PTPRN2: variants seen among roughly 807,000 people sequenced by gnomAD.
PTPRN2 encodes the protein receptor-type tyrosine-protein phosphatase N2.
Under a neutral mutation model 118.8 loss-of-function variants are expected in PTPRN2, and 74 were observed. That is an observed-to-expected ratio of 0.62 (90% CI 0.52 to 0.76). PTPRN2 has a LOEUF of 0.76. PTPRN2 is among the 30% of genes least tolerant of loss of function. PTPRN2 has a pLI of 0.00. For missense variants in PTPRN2, 1,481 were observed against 1,394.4 expected (o/e 1.06, Z -0.99); for synonymous variants, 641 against 608.0 (o/e 1.05, Z -0.80).
chr7:158,235,577 T>C (rs1829478133), intron 3 of PTPRN2, among the ~76,000 whole-genome samples: 1 of 152,108 alleles, frequency 6.6e-6, no homozygotes, highest in Non-Finnish European at 1.5e-5. Flanking sequence ...AGATTGGTGG[T>C]TACCAGAGGA....
chr7:158,378,892 G>A (rs530968863), intron 2 of PTPRN2, among the ~76,000 whole-genome samples: 4 of 152,298 alleles, frequency 2.6e-5, no homozygotes, highest in South Asian at 2.1e-4. Flanking sequence ...TGGCTGTTAC[G>A]ATCAAGGGGA....
chr7:157,838,287 C>T (rs558027125), intron 12 of PTPRN2, among the ~76,000 whole-genome samples: 28 of 149,276 alleles, frequency 1.9e-4, no homozygotes, highest in African/African-American at 5.9e-4. Context: ...TATTCCAGTT[C>T]CTCTCGTAGT....
intron 2 of PTPRN2, among the ~76,000 whole-genome samples, chr7:158,473,372 C>G (rs2129444404): frequency 1.3e-5 from 2 of 152,306 alleles, no homozygotes; most frequent in Middle Eastern, 6.8e-3. Context: ...TGAATAAACC[C>G]CTCTGACGAG....
At chr7:157,969,109 T>C (rs925976634) in intron 11 of PTPRN2, among the ~76,000 whole-genome samples, 1 of 145,850 alleles carries the variant, frequency 6.9e-6, no homozygotes, top group Non-Finnish European at 1.5e-5. Flanking sequence ...GCAATATCCA[T>C]GGCATCAATG....
chr7:158,310,095 C>A (rs182544107), intron 3 of PTPRN2, among the ~76,000 whole-genome samples: 4 of 152,132 alleles, frequency 2.6e-5, no homozygotes, highest in African/African-American at 9.7e-5. Context: ...CAGCCACCCA[C>A]GCCATGTGAT....
chr7:158,053,031 C>T lies in PTPRN2; in HGVS notation c.1723+28267G>A, dbSNP rs191915764. 1.1e-4 allele frequency among the ~76,000 whole-genome samples: 17 copies of T among 152,338 alleles called. No individual in the cohort carries two copies. The East Asian group carries it at 1.4e-3, about 12-fold the overall frequency. On this transcript the variant is annotated intron_variant, in intron 11 of 22. Transcript: ENST00000389418. ...CTGGCCCCCATCGATCCCACCCTGG[C>T]GTCTGCTTCCCAAGCACCCAGTGGG...
At chr7:158,098,711 G>A (rs557896928) in intron 10 of PTPRN2, among the ~76,000 whole-genome samples, 2 of 152,294 alleles carry the variant, frequency 1.3e-5, no homozygotes, top group East Asian at 1.9e-4. Flanking sequence ...CTCGGGGACT[G>A]GAAGAAGAAG....
Position 158,556,952 on chromosome 7 carries a change from A to G in PTPRN2, c.112+30606T>C, listed in dbSNP as rs116382548. Among the ~76,000 whole-genome samples the G allele has an allele frequency of 4.4e-3, 515 of 117,262 alleles. 2 individuals carry two copies. Among genetic ancestry groups the G allele is most frequent in the African/African-American group, 0.016 (485 of 30,606 alleles). The allele number at this position is 117,262 out of a possible 152,430, so 76.9% of individuals were successfully genotyped here. ...GGCGGCTCCCGCGCAGGTCACTCCC[A>G]CGCAGGTCAGGTGGCTCCCGCACAG... is the stretch of plus-strand genomic sequence containing the variant. On this transcript the variant is annotated intron_variant, in intron 1 of 22. Coordinates refer to ENST00000389418, the MANE Select transcript of PTPRN2 (RefSeq NM_002847.5).
rs533110644 is a variant in PTPRN2, at chr7:157,912,093, C to T, written c.1724-13356G>A. Among the ~76,000 whole-genome samples the T allele has an allele frequency of 4.5e-4, 69 of 152,332 alleles. No homozygotes were observed. The South Asian group carries it at 0.01, about 22-fold the overall frequency. ...CCAGGCCCATGTAGAGAATTTTCTC[C>T]AGTACAATCACTAAGACATAGATGT... On this transcript the variant is annotated intron_variant, in intron 11 of 22. Coordinates refer to ENST00000389418, the MANE Select transcript of PTPRN2 (RefSeq NM_002847.5).
At position 157,560,187 on chromosome 7, in the gene PTPRN2, C is replaced by G. The variant is rs187488945; in HGVS notation, c.2902+8715G>C. The stretch of plus-strand genomic sequence containing the variant: ...TGGGTGAGGAGCCCCTGCAGCCAGG[C>G]TATGTGAACCCTGGCTCAGCAGGGT... On this transcript the variant is annotated intron_variant, in intron 21 of 22. Transcript: ENST00000389418. The surrounding 1 kb of genome is among the most constrained non-coding windows in gnomAD (Gnocchi z 6.7). Among the ~76,000 whole-genome samples, 1 of 152,242 alleles carries G rather than the reference C, an allele frequency of 6.6e-6. No individual in the cohort carries two copies. The highest frequency in any genetic ancestry group is 2.1e-4 in the South Asian group (1 of 4,824).
intron 2 of PTPRN2, among the ~76,000 whole-genome samples, chr7:158,464,850 C>T (rs1819279656): frequency 6.6e-6 from 1 of 152,228 alleles, no homozygotes; most frequent in Admixed American, 6.5e-5. Flanking sequence ...ATCATCCTTA[C>T]CATCGCTATC....
intron 11 of PTPRN2, among the ~76,000 whole-genome samples, chr7:158,071,037 GTATGGAGGTGCTCA>G (rs1811386762): frequency 2.0e-5 from 1 of 50,738 alleles, no homozygotes; most frequent in Admixed American, 2.0e-4. Flanking sequence ...GGTGCTCTTA[GTATGGAGGTGCTCA>G]TGGTGGTGGA....
At chr7:158,297,745 A>G (rs1317494586) in intron 3 of PTPRN2, among the ~76,000 whole-genome samples, 2 of 152,150 alleles carry the variant, frequency 1.3e-5, no homozygotes, top group Admixed American at 6.5e-5. Context: ...ACTAACCCCC[A>G]TCCTACCTAA....
intron 12 of PTPRN2, among the ~76,000 whole-genome samples, chr7:157,820,628 C>G (rs1806776868): frequency 6.6e-6 from 1 of 151,806 alleles, no homozygotes; most frequent in Non-Finnish European, 1.5e-5. Context: ...CACAGCAGAC[C>G]CCTACACACG....
intron 2 of PTPRN2, among the ~76,000 whole-genome samples, chr7:158,444,639 C>T (rs116872999): frequency 8.5e-5 from 13 of 152,246 alleles, no homozygotes; most frequent in Middle Eastern, 3.4e-3. Flanking sequence ...AGCCTCGGAC[C>T]GTGCAGCTGC....
chr7:157,699,317 GA>G (rs1797956805), intron 12 of PTPRN2, among the ~76,000 whole-genome samples: 1 of 152,196 alleles, frequency 6.6e-6, no homozygotes, highest in Non-Finnish European at 1.5e-5. Context: ...TACTGAGAAG[GA>G]AAATCAAATG....
rs1234144772 is a variant in PTPRN2 at position 158,491,462 on chromosome 7, GTTTT to G, written c.113-1681_113-1678del. Among the ~76,000 whole-genome samples, 4 of 152,176 alleles carry G rather than the reference GTTTT, an allele frequency of 2.6e-5. No individual in the cohort carries two copies. The East Asian group carries it at 5.8e-4, about 22-fold the overall frequency. The stretch of plus-strand genomic sequence containing the variant: ...TTTTGGTTTGGGGGAGTTTTTGTTT[GTTTT>G]GTTTTGAAATAACAATCTCATGAAA... On this transcript the variant is annotated intron_variant, in intron 1 of 22. Coordinates refer to ENST00000389418, the MANE Select transcript of PTPRN2 (RefSeq NM_002847.5).
At chr7:158,253,250 C>T (rs1796800752) in intron 3 of PTPRN2, among the ~76,000 whole-genome samples, 1 of 152,140 alleles carries the variant, frequency 6.6e-6, no homozygotes, top group Non-Finnish European at 1.5e-5. Context: ...CTGAAGCTGC[C>T]TGAGGACTGG....
intron 11 of PTPRN2, among the ~76,000 whole-genome samples, chr7:158,055,486 C>G (rs572262398): frequency 4.6e-4 from 70 of 152,314 alleles, no homozygotes; most frequent in Admixed American, 6.5e-4. Flanking sequence ...TCAGGCCCAC[C>G]CGCAGTTATC....
Sources: allele counts gnomAD v4.1 joint callset (sites outside exome capture counted in the v4.1 genomes callset), GRCh38; gene constraint gnomAD v4.1.1; non-coding constraint Gnocchi (gnomAD v3.1); transcripts MANE v1.5; gene names NCBI Gene and HGNC (gene_info 2026-07-23, HGNC 2026-07-21).